Variants in FOXK2 observed in about 807,000 individuals in gnomAD.
The protein encoded by FOXK2 is forkhead box K2.
FOXK2 carries 24 observed loss-of-function variants against 53.3 expected under a neutral mutation model. That is an observed-to-expected ratio of 0.45 (90% CI 0.33 to 0.63). The LOEUF is 0.63. Ranked by LOEUF, FOXK2 falls within the 30% of genes least tolerant of loss-of-function variation. The pLI, the probability that FOXK2 is intolerant of heterozygous loss-of-function variation, is 0.03. For synonymous variants in FOXK2, 505 were observed against 407.1 expected (o/e 1.24, Z -2.89); for missense variants, 952 against 910.5 (o/e 1.05, Z -0.59).
At chr17:82,597,777 A>C (rs1190092828) in intron 8 of FOXK2, among the ~76,000 whole-genome samples, 1 of 151,796 alleles carries the variant, frequency 6.6e-6, no homozygotes, top group African/African-American at 2.4e-5. Context: ...CAGCCTCCTG[A>C]GTAACTGAGA....
chr17:82,520,950 G>A (rs1288584318), intron 1 of FOXK2, among the ~76,000 whole-genome samples: 3 of 152,208 alleles, frequency 2.0e-5, no homozygotes, highest in Non-Finnish European at 4.4e-5. Context: ...CAAAAAGACA[G>A]TTGATTAGGA....
chr17:82,538,646 G>C (rs2044544647), intron 1 of FOXK2, among the ~76,000 whole-genome samples: 1 of 152,180 alleles, frequency 6.6e-6, no homozygotes, highest in African/African-American at 2.4e-5. Flanking sequence ...TGGTGTAGAA[G>C]AGCAAAATGC....
rs1480832445 is a variant in FOXK2 at position 82,602,010 on chromosome 17, C to T, written c.*511C>T. The T allele has an allele frequency of 6.5e-6, 1 of 153,148 alleles. No homozygotes were observed. Among genetic ancestry groups the T allele is most frequent in the Non-Finnish European group, 1.5e-5 (1 of 68,440 alleles). The allele number at this position is 153,148 out of a possible 1,614,324, so 9.5% of individuals were successfully genotyped here. ...TGAGACTTTCAGAATCACACAGGCC[C>T]TTTCCGTGGATTTCATTTGGGGCAA... On this transcript the variant is annotated 3_prime_UTR_variant, in exon 9 of 9. Transcript: ENST00000335255.
chr17:82,533,995 T>C (rs1428568291), intron 1 of FOXK2, among the ~76,000 whole-genome samples: 1 of 150,950 alleles, frequency 6.6e-6, no homozygotes, highest in African/African-American at 2.5e-5. Context: ...GGGGAGACCC[T>C]GTCTCAGGTC....
intron 4 of FOXK2, among the ~76,000 whole-genome samples, chr17:82,574,588 G>T (rs2044961476): frequency 1.3e-5 from 2 of 151,918 alleles, no homozygotes; most frequent in South Asian, 4.1e-4. Context: ...CCGAAGTGCT[G>T]GGATTACAGG....
chr17:82,543,630 T>G (rs1038707802), intron 1 of FOXK2, among the ~76,000 whole-genome samples: 9 of 152,116 alleles, frequency 5.9e-5, no homozygotes, highest in Non-Finnish European at 8.8e-5. Flanking sequence ...GAGTCTTTCT[T>G]TTATTTTTAT....
intron 4 of FOXK2, among the ~76,000 whole-genome samples, chr17:82,578,893 A>C (rs1443697221): frequency 1.3e-5 from 2 of 152,134 alleles, no homozygotes; most frequent in African/African-American, 4.8e-5. Flanking sequence ...TATGGCCCCA[A>C]AGTCACCTTT....
intron 5 of FOXK2, among the ~76,000 whole-genome samples, chr17:82,583,779 G>A (rs1226177133): frequency 1.3e-5 from 2 of 152,216 alleles, no homozygotes; most frequent in African/African-American, 4.8e-5. Context: ...CAGCCGTGCC[G>A]CGTATGTGGG....
chr17:82,547,355 G>T (rs2044636308), intron 1 of FOXK2, among the ~76,000 whole-genome samples: 1 of 152,144 alleles, frequency 6.6e-6, no homozygotes, highest in Non-Finnish European at 1.5e-5. Flanking sequence ...ACTAACAAGA[G>T]CTGGTAAGCT....
At chr17:82,557,695 C>CTAGA (rs1453893239) in intron 1 of FOXK2, among the ~76,000 whole-genome samples, 1 of 152,024 alleles carries the variant, frequency 6.6e-6, no homozygotes, top group East Asian at 1.9e-4. Flanking sequence ...GTTGTCCAGG[C>CTAGA]TAGAGTGCAG....
At chr17:82,520,754 G>T (rs1481724176) in intron 1 of FOXK2, among the ~76,000 whole-genome samples, 2 of 152,198 alleles carry the variant, frequency 1.3e-5, no homozygotes, top group African/African-American at 4.8e-5. Flanking sequence ...TGTTGTTGTT[G>T]TTGTTCAGTC....
intron 6 of FOXK2, among the ~76,000 whole-genome samples, chr17:82,585,645 A>G (rs1412316215): frequency 6.6e-6 from 1 of 152,146 alleles, no homozygotes; most frequent in Non-Finnish European, 1.5e-5. Context: ...TTTTATAAAG[A>G]ACTGTGGGAA....
chr17:82,533,212 G>A (rs1051050062), intron 1 of FOXK2, among the ~76,000 whole-genome samples: 3 of 152,142 alleles, frequency 2.0e-5, no homozygotes, highest in Non-Finnish European at 2.9e-5. Context: ...TAGTGCTGCC[G>A]GGCGTGGTGG....
intron 1 of FOXK2, among the ~76,000 whole-genome samples, chr17:82,523,989 GAT>G (rs2044392494): frequency 6.6e-6 from 1 of 152,196 alleles, no homozygotes; most frequent in African/African-American, 2.4e-5. Flanking sequence ...TGGCCTCTTG[GAT>G]TCAAGCCATT....
intron 4 of FOXK2, among the ~76,000 whole-genome samples, chr17:82,574,118 T>G (rs2044954183): frequency 6.6e-6 from 1 of 152,212 alleles, no homozygotes; most frequent in South Asian, 2.1e-4. Context: ...TCAGGCACCC[T>G]TCTCTGCTGA....
At chr17:82,575,458 G>C (rs1270611528) in intron 4 of FOXK2, among the ~76,000 whole-genome samples, 3 of 152,026 alleles carry the variant, frequency 2.0e-5, no homozygotes, top group African/African-American at 7.2e-5. Context: ...AAAAGCACAC[G>C]GCATATAGTA....
chr17:82,545,250 G>C (rs1451228617), intron 1 of FOXK2, among the ~76,000 whole-genome samples: 1 of 152,170 alleles, frequency 6.6e-6, no homozygotes, highest in Non-Finnish European at 1.5e-5. Flanking sequence ...CTCCCAGCCA[G>C]GGCCTCCCAC....
intron 8 of FOXK2, among the ~76,000 whole-genome samples, chr17:82,588,083 C>T (rs546280295): frequency 2.6e-5 from 4 of 152,292 alleles, no homozygotes; most frequent in African/African-American, 9.6e-5. Flanking sequence ...TTGAAACCTG[C>T]AGGTACCTCC....
intron 1 of FOXK2, among the ~76,000 whole-genome samples, chr17:82,532,521 A>G (rs548126395): frequency 3.4e-5 from 5 of 147,272 alleles, no homozygotes; most frequent in Admixed American, 6.8e-5. Flanking sequence ...AACATACTAT[A>G]ATTTTTTTTT....
Sources: gnomAD v4.1 joint callset for allele counts (sites outside exome capture counted in the v4.1 genomes callset) on GRCh38, gnomAD v4.1.1 for gene constraint, MANE v1.5 for transcripts, NCBI Gene and HGNC (gene_info 2026-07-23, HGNC 2026-07-21) for gene names.